GAS7: variants seen among roughly 807,000 people sequenced by gnomAD.
GAS7 encodes the protein growth arrest-specific protein 7.
In GAS7, 28 loss-of-function variants were observed where a neutral mutation model predicts 71.1. The observed-to-expected ratio is 0.39, with a 90% CI of 0.29 to 0.54. The LOEUF is 0.54. Among genes scored for constraint, GAS7 ranks in the 20% least tolerant of loss-of-function variants. GAS7 has a pLI of 0.62. For missense variants in GAS7, 436 were observed against 627.8 expected (o/e 0.69, Z 3.27); for synonymous variants, 258 against 245.8 (o/e 1.05, Z -0.46).
chr17:9,967,812 T>C (rs1211549667), intron 4 of GAS7, among the ~76,000 whole-genome samples: 1 of 152,198 alleles, frequency 6.6e-6, no homozygotes, highest in Non-Finnish European at 1.5e-5. Flanking sequence ...TGAATAGCCT[T>C]GCACATAAAT....
At chr17:10,099,388 C>A (rs1367281053) in intron 1 of GAS7, among the ~76,000 whole-genome samples, 1 of 152,190 alleles carries the variant, frequency 6.6e-6, no homozygotes, top group Non-Finnish European at 1.5e-5. Context: ...ACAACCAGAG[C>A]AGGCAGGGAC....
chr17:10,183,422 C>A (rs1035757783), intron 1 of GAS7, among the ~76,000 whole-genome samples: 1 of 152,164 alleles, frequency 6.6e-6, no homozygotes, highest in Non-Finnish European at 1.5e-5. Context: ...CTGTCAGCAT[C>A]CAACTATGAT....
intron 2 of GAS7, among the ~76,000 whole-genome samples, chr17:10,014,398 C>G (rs569988098): frequency 6.6e-6 from 1 of 152,302 alleles, no homozygotes; most frequent in East Asian, 1.9e-4. Context: ...AGCCTTGCCA[C>G]AATATTCTGA....
rs59232055 is a variant in GAS7 at position 10,185,023 on chromosome 17, T to G, written c.183+13185A>C. 3.5e-3 allele frequency among the ~76,000 whole-genome samples: 535 copies of G among 150,884 alleles called. 30 individuals are homozygous for G. In the East Asian group the frequency reaches 0.097, roughly 27 times the overall value. ...CTCACTGCAACCTCCACCTCCCAGG[T>G]TCAAGCAACTCTCCTGTCTCAGCCT... On this transcript the variant is annotated intron_variant, in intron 1 of 13. Coordinates refer to ENST00000432992, the MANE Select transcript of GAS7 (RefSeq NM_201433.2).
intron 1 of GAS7, among the ~76,000 whole-genome samples, chr17:10,087,920 G>T (rs561655706): frequency 1.3e-5 from 2 of 152,124 alleles, no homozygotes; most frequent in Non-Finnish European, 2.9e-5. Flanking sequence ...CCTCGCTCCA[G>T]CCAGGGAAGA....
At chr17:9,986,743 C>T (rs768356645) in intron 2 of GAS7, among the ~76,000 whole-genome samples, 21 of 152,238 alleles carry the variant, frequency 1.4e-4, no homozygotes, top group Non-Finnish European at 2.1e-4. Context: ...CCATATCCCT[C>T]CCCTCTAACC....
At chr17:10,109,301 CAG>C (rs1244539757) in intron 1 of GAS7, among the ~76,000 whole-genome samples, 2 of 152,166 alleles carry the variant, frequency 1.3e-5, no homozygotes, top group Non-Finnish European at 2.9e-5. Flanking sequence ...CATCTTACGC[CAG>C]AGTTAGAACG....
chr17:10,003,167 T>C (rs2071338145), intron 2 of GAS7, among the ~76,000 whole-genome samples: 1 of 152,172 alleles, frequency 6.6e-6, no homozygotes, highest in African/African-American at 2.4e-5. Flanking sequence ...GAGGTCCACC[T>C]AACACCTGGA....
At position 9,917,354 on chromosome 17, in the gene GAS7, G is replaced by C. The variant is rs545079968; in HGVS notation, c.1318-13C>G. 3.2e-6 allele frequency: 5 copies of C among 1,578,776 alleles called. No homozygotes were observed. The South Asian group carries it at 5.5e-5, about 17-fold the overall frequency. On this transcript the variant is annotated splice_polypyrimidine_tract_variant and intron_variant, in intron 13 of 13. Transcript: ENST00000432992. ...CGGGCTCGACTGTCTGCAAGAGACA[G>C]AGAAAATGCGACACTGTTAGAGACG... is the stretch of plus-strand genomic sequence containing the variant.
chr17:10,077,684 C>A (rs1341210115), intron 1 of GAS7, among the ~76,000 whole-genome samples: 1 of 152,158 alleles, frequency 6.6e-6, no homozygotes, highest in Non-Finnish European at 1.5e-5. Flanking sequence ...CTCAGAGACA[C>A]CTAGAGGACA....
At chr17:10,169,530 C>T (rs2074319936) in intron 1 of GAS7, among the ~76,000 whole-genome samples, 1 of 152,132 alleles carries the variant, frequency 6.6e-6, no homozygotes, top group Non-Finnish European at 1.5e-5. Flanking sequence ...TTTTCCATTC[C>T]TTGAGAGCTG....
rs7218907 is a variant in GAS7 at position 9,926,783 on chromosome 17, A to G, written c.886-14T>C. On this transcript the variant is annotated splice_polypyrimidine_tract_variant and intron_variant, in intron 9 of 13. Transcript: ENST00000432992. The surrounding 1 kb of genome is among the most constrained non-coding windows in gnomAD (Gnocchi z 5.0). ...CTCGCTGTGAAGCTGTTGGGAGAGT[A>G]GAGACGCACACTCAGGACCCAGGGC... 0.012 allele frequency: 19,378 copies of G among 1,613,946 alleles called. 887 individuals carry two copies. The highest frequency in any genetic ancestry group is 0.11 in the Admixed American group (6,717 of 60,012).
chr17:10,101,505 G>C (rs2073698489), intron 1 of GAS7, among the ~76,000 whole-genome samples: 1 of 152,232 alleles, frequency 6.6e-6, no homozygotes. Flanking sequence ...GAGTGACCAG[G>C]AGGCAGGGAG....
At chr17:10,018,769 C>T (rs984962451) in intron 2 of GAS7, among the ~76,000 whole-genome samples, 6 of 152,092 alleles carry the variant, frequency 3.9e-5, no homozygotes, top group African/African-American at 9.7e-5. Flanking sequence ...GCTGTAGTAA[C>T]GATACCCCCA....
intron 1 of GAS7, among the ~76,000 whole-genome samples, chr17:10,121,037 C>A (rs1271485574): frequency 6.6e-6 from 1 of 152,222 alleles, no homozygotes; most frequent in Non-Finnish European, 1.5e-5. Context: ...CTCCTCTCTA[C>A]GGGCTGGGGT....
At chr17:10,139,226 T>C (rs2074062665) in intron 1 of GAS7, among the ~76,000 whole-genome samples, 2 of 152,200 alleles carry the variant, frequency 1.3e-5, no homozygotes, top group South Asian at 4.1e-4. Context: ...GAACCATGTA[T>C]CATCTATAAC....
chr17:10,152,521 C>T (rs1197137894), intron 1 of GAS7, among the ~76,000 whole-genome samples: 1 of 152,184 alleles, frequency 6.6e-6, no homozygotes, highest in Non-Finnish European at 1.5e-5. Context: ...AAAGGAGACC[C>T]ACCTAGACCG....
At chr17:9,964,316 C>A (rs923288992) in intron 4 of GAS7, among the ~76,000 whole-genome samples, 26 of 152,164 alleles carry the variant, frequency 1.7e-4, no homozygotes, top group Non-Finnish European at 3.4e-4. Context: ...TTTCCTCCCC[C>A]CCTGCAAATA....
intron 1 of GAS7, among the ~76,000 whole-genome samples, chr17:10,127,498 G>A (rs2073960337): frequency 6.6e-6 from 1 of 152,140 alleles, no homozygotes; most frequent in African/African-American, 2.4e-5. Flanking sequence ...CTTTGCCCCA[G>A]CACCTCATCA....
Sources: allele counts gnomAD v4.1 joint callset (sites outside exome capture counted in the v4.1 genomes callset), GRCh38; gene constraint gnomAD v4.1.1; non-coding constraint Gnocchi (gnomAD v3.1); transcripts MANE v1.5; gene names NCBI Gene and HGNC (gene_info 2026-07-23, HGNC 2026-07-21).